The following SBF2 variants were observed in gnomAD, a reference collection of about 807,000 sequenced individuals.
SBF2 encodes the protein myotubularin-related protein 13.
A neutral mutation model predicts 225.2 loss-of-function variants in SBF2; 112 were observed. The observed-to-expected ratio is 0.50, with a 90% CI of 0.43 to 0.58. The LOEUF (loss-of-function observed/expected upper bound fraction) is 0.58, where lower values mean the gene tolerates loss of function less well. Ranked by LOEUF, SBF2 falls within the 20% of genes least tolerant of loss-of-function variation. The probability of loss-of-function intolerance (pLI) is 0.00; values close to 1 mark genes in which losing one functional copy is unlikely to be tolerated. For synonymous variants in SBF2, 763 were observed against 773.3 expected, an observed-to-expected ratio of 0.99 and a Z score of 0.22; for missense variants, 1,996 against 2,206.2, an observed-to-expected ratio of 0.90 and a Z score of 1.91.
At chr11:10,018,889 C>T (rs1293715105) in intron 6 of SBF2, among the ~76,000 whole-genome samples, 3 of 152,204 alleles carry the variant, frequency 2.0e-5, no homozygotes, top group Non-Finnish European at 2.9e-5. Flanking sequence ...TGTTCTCAGG[C>T]TTCACCAAAC....
intron 1 of SBF2, among the ~76,000 whole-genome samples, chr11:10,286,166 GCA>G (rs57445416): frequency 0.032 from 4,679 of 147,142 alleles, 105 homozygotes; most frequent in African/African-American, 0.062. Context: ...ACACGCACAC[GCA>G]CACACACACA....
intron 16 of SBF2, chr11:9,958,357 C>A (rs183644184): frequency 7.5e-6 from 1 of 133,532 alleles, no homozygotes. Flanking sequence ...TCCATCCTTT[C>A]TTTTTTTTTT....
chr11:9,819,946 T>C (rs1159899331), intron 28 of SBF2, among the ~76,000 whole-genome samples: 1 of 152,226 alleles, frequency 6.6e-6, no homozygotes, highest in Non-Finnish European at 1.5e-5. Context: ...ATACCCAATA[T>C]CACTAATAAT....
intron 1 of SBF2, among the ~76,000 whole-genome samples, chr11:10,285,171 A>C (rs948729949): frequency 2.6e-5 from 4 of 151,996 alleles, no homozygotes; most frequent in African/African-American, 9.7e-5. Context: ...TTAGCCAGGC[A>C]TGGTGGCGTG....
At position 9,881,300 on chromosome 11, in the gene SBF2, A is replaced by G. The variant is rs545125126; in HGVS notation, c.1929+14643T>C. On this transcript the variant is annotated intron_variant, in intron 17 of 39. Coordinates refer to ENST00000256190, the MANE Select transcript of SBF2 (RefSeq NM_030962.4). ...AACCATGAACATTTTTCAGAATTCC[A>G]AAGATGTGTTCAGCACTCTGCTGGG... is the stretch of plus-strand genomic sequence containing the variant. 3.3e-5 allele frequency among the ~76,000 whole-genome samples: 5 copies of G among 152,294 alleles called. No homozygotes were observed. The South Asian group carries it at 8.3e-4, about 25-fold the overall frequency.
At chr11:10,234,239 A>G (rs546223102) in intron 1 of SBF2, among the ~76,000 whole-genome samples, 2 of 152,116 alleles carry the variant, frequency 1.3e-5, no homozygotes, top group East Asian at 3.9e-4. Context: ...AGTTGTTTTT[A>G]CCCCTCATTT....
At chr11:10,288,985 G>A (rs551305000) in intron 1 of SBF2, among the ~76,000 whole-genome samples, 27 of 152,268 alleles carry the variant, frequency 1.8e-4, no homozygotes, top group African/African-American at 5.1e-4. Flanking sequence ...CATCCACGAC[G>A]CCCAGGCTTC....
At chr11:10,201,867 T>TC (rs1386783570) in intron 1 of SBF2, among the ~76,000 whole-genome samples, 10 of 152,140 alleles carry the variant, frequency 6.6e-5, no homozygotes, top group Admixed American at 6.6e-4. Flanking sequence ...GAACGAGACT[T>TC]CATCTCAAAT....
chr11:9,913,481 G>GA (rs1282098218), intron 16 of SBF2, among the ~76,000 whole-genome samples: 3 of 151,808 alleles, frequency 2.0e-5, no homozygotes, highest in Middle Eastern at 3.2e-3. Flanking sequence ...TAATTACTTA[G>GA]AAAAAAACAT....
chr11:10,290,756 T>C (rs75605924), intron 1 of SBF2, among the ~76,000 whole-genome samples: 2,041 of 152,278 alleles, frequency 0.013, 45 homozygotes, highest in African/African-American at 0.038. Context: ...TATGAATTCA[T>C]AGTTTTCAAT....
intron 17 of SBF2, among the ~76,000 whole-genome samples, chr11:9,882,138 A>G (rs150212037): frequency 3.9e-4 from 60 of 152,360 alleles, no homozygotes; most frequent in Admixed American, 7.2e-4. Flanking sequence ...CCAGACCAAT[A>G]CAAATGTCAC....
intron 16 of SBF2, among the ~76,000 whole-genome samples, chr11:9,942,561 C>T (rs1403166256): frequency 6.6e-6 from 1 of 152,234 alleles, no homozygotes; most frequent in Admixed American, 6.5e-5. Flanking sequence ...GAAGACATTT[C>T]TTAGGAAGAT....
rs1290321913 is a variant in SBF2 at position 9,832,288 on chromosome 11, T to A, written c.3588A>T (p.Arg1196=). ...KNSRSGTLLL[R]SGGFHGKGVV... ...CTCCCTTCCCATGGAATCCTCCAGA[T>A]CGGAGGAGCAGAGTACCACTTCTTG... Residue 1196 remains arginine, a synonymous_variant, in exon 27 of 40, where the codon CGA becomes CGT. Transcript: ENST00000256190. The A allele has an allele frequency of 2.5e-6, 4 of 1,613,994 alleles. No homozygotes were observed. Among genetic ancestry groups the A allele is most frequent in the African/African-American group, 1.3e-5 (1 of 74,912 alleles).
chr11:10,023,204 G>A (rs1205112944), intron 6 of SBF2, among the ~76,000 whole-genome samples: 1 of 152,036 alleles, frequency 6.6e-6, no homozygotes, highest in Non-Finnish European at 1.5e-5. Flanking sequence ...TGAGGTAGGT[G>A]ACAATCCCTT....
At chr11:9,889,850 G>C (rs575029559) in intron 17 of SBF2, among the ~76,000 whole-genome samples, 12 of 152,088 alleles carry the variant, frequency 7.9e-5, no homozygotes, top group Non-Finnish European at 1.8e-4. Flanking sequence ...ACTGAGAATG[G>C]GCATAAGGTT....
chr11:9,938,470 A>G (rs1274999585), intron 16 of SBF2, among the ~76,000 whole-genome samples: 1 of 140,686 alleles, frequency 7.1e-6, no homozygotes, highest in Non-Finnish European at 1.6e-5. Context: ...TAAAAAGTAC[A>G]AAAAAAAAAA....
Position 10,173,931 on chromosome 11 carries a change from C to A in SBF2, c.141+19971G>T, listed in dbSNP as rs540355425. On this transcript the variant is annotated intron_variant, in intron 2 of 39. Transcript: ENST00000256190. ...CACCTCACAGGGCCGGGTACTCCAACAGACCTGCAGCTGAGGGTCCTGTCT... is the reference window on the plus strand; with the variant it reads ...CACCTCACAGGGCCGGGTACTCCAAAAGACCTGCAGCTGAGGGTCCTGTCT... Among the ~76,000 whole-genome samples, 39 of 152,054 alleles carry A rather than the reference C, an allele frequency of 2.6e-4. No homozygotes were observed. The East Asian group carries it at 7.4e-3, about 29-fold the overall frequency.
At chr11:10,078,685 G>A (rs1425589156) in intron 2 of SBF2, among the ~76,000 whole-genome samples, 1 of 152,076 alleles carries the variant, frequency 6.6e-6, no homozygotes, top group Non-Finnish European at 1.5e-5. Flanking sequence ...TGTAAATGAC[G>A]AGTTGATGGG....
intron 1 of SBF2, among the ~76,000 whole-genome samples, chr11:10,229,783 T>C (rs1389316401): frequency 6.6e-6 from 1 of 152,200 alleles, no homozygotes. Flanking sequence ...AAAAAATGTA[T>C]ATTCTGTTGA....
Sources: allele counts gnomAD v4.1 joint callset (sites outside exome capture counted in the v4.1 genomes callset), GRCh38; gene constraint gnomAD v4.1.1; transcripts MANE v1.5; gene names NCBI Gene and HGNC (gene_info 2026-07-23, HGNC 2026-07-21).